DNA2: variants seen among roughly 807,000 people sequenced by gnomAD.
DNA2 encodes the protein DNA replication ATP-dependent helicase/nuclease DNA2.
DNA2 carries 101 observed loss-of-function variants against 119.1 expected under a neutral mutation model. The observed-to-expected ratio is 0.85, with a 90% CI of 0.72 to 1.00. DNA2 has a LOEUF of 1.00. Among genes scored for constraint, DNA2 ranks in the 50% least tolerant of loss-of-function variants. The pLI, the probability that DNA2 is intolerant of heterozygous loss-of-function variation, is 0.00. For missense variants in DNA2, 1,121 were observed against 1,255.5 expected, an observed-to-expected ratio of 0.89 and a Z score of 1.62; for synonymous variants, 366 against 424.4, an observed-to-expected ratio of 0.86 and a Z score of 1.69.
chr10:68,434,585 C>T (rs1470097014), intron 10 of DNA2, among the ~76,000 whole-genome samples: 2 of 150,900 alleles, frequency 1.3e-5, no homozygotes, highest in Non-Finnish European at 3.0e-5. Context: ...CCAGGAAGTC[C>T]AGGCTGCAGT....
intron 4 of DNA2, among the ~76,000 whole-genome samples, chr10:68,459,900 G>T (rs1040833656): frequency 1.3e-5 from 2 of 151,940 alleles, no homozygotes; most frequent in African/African-American, 4.8e-5. Flanking sequence ...GGTGGTGCAT[G>T]CCTGTAATCC....
chr10:68,469,446 G>A (rs1055414387), intron 2 of DNA2, among the ~76,000 whole-genome samples: 16 of 150,020 alleles, frequency 1.1e-4, no homozygotes, highest in Admixed American at 7.3e-4. Flanking sequence ...TCATTAATAA[G>A]GTCCTTTGTA....
intron 5 of DNA2, 39 bp downstream of exon 5, chr10:68,459,065 A>G (rs779509654): frequency 6.7e-7 from 1 of 1,483,182 alleles, no homozygotes; most frequent in Non-Finnish European, 9.0e-7. Flanking sequence ...TGGTCTAAAA[A>G]TATGAAGACT....
At chr10:68,454,919 G>C (rs193299719) in intron 5 of DNA2, among the ~76,000 whole-genome samples, 174 of 149,670 alleles carry the variant, frequency 1.2e-3, no homozygotes, top group Middle Eastern at 0.01. Flanking sequence ...ATAATTAGGA[G>C]CAGTTGAAGA....
chr10:68,444,125 T>A (rs1013582788), intron 8 of DNA2, among the ~76,000 whole-genome samples: 1 of 150,926 alleles, frequency 6.6e-6, no homozygotes. Flanking sequence ...GGCGCAGTGG[T>A]TCATGCCTGT....
intron 10 of DNA2, among the ~76,000 whole-genome samples, chr10:68,435,437 ATAG>A (rs890022525): frequency 6.7e-6 from 1 of 150,370 alleles, no homozygotes; most frequent in African/African-American, 2.4e-5. Context: ...AAAAATATTA[ATAG>A]TAGAATATAC....
intron 10 of DNA2, among the ~76,000 whole-genome samples, chr10:68,435,160 C>T (rs1413308730): frequency 6.6e-6 from 1 of 151,880 alleles, no homozygotes; most frequent in Non-Finnish European, 1.5e-5. Flanking sequence ...CTCAACTGAT[C>T]GTCCCACCTC....
chr10:68,456,780 A>C (rs1467374516), intron 5 of DNA2, among the ~76,000 whole-genome samples: 1 of 151,862 alleles, frequency 6.6e-6, no homozygotes, highest in Non-Finnish European at 1.5e-5. Flanking sequence ...GAACATTGAG[A>C]ATATTAGTAT....
chr10:68,441,119 G>A (rs2051961482), intron 9 of DNA2, among the ~76,000 whole-genome samples: 1 of 151,712 alleles, frequency 6.6e-6, no homozygotes, highest in Non-Finnish European at 1.5e-5. Context: ...GATCACTTGA[G>A]GCCAGGAGTT....
At chr10:68,427,634 G>GA (rs1216817861) in intron 14 of DNA2, among the ~76,000 whole-genome samples, 33 of 130,840 alleles carry the variant, frequency 2.5e-4, no homozygotes, top group Non-Finnish European at 6.6e-5. Context: ...GGGCAACAGA[G>GA]CAAGACCTTG....
intron 19 of DNA2, among the ~76,000 whole-genome samples, chr10:68,417,091 A>G (rs1460974889): frequency 1.3e-5 from 2 of 152,032 alleles, no homozygotes; most frequent in Non-Finnish European, 2.9e-5. Context: ...AAAATATACA[A>G]AAATCAGCCA....
chr10:68,418,478 TAAA>T (rs35448515), intron 19 of DNA2, among the ~76,000 whole-genome samples: 1 of 140,978 alleles, frequency 7.1e-6, no homozygotes. Flanking sequence ...TTATTTTCTT[TAAA>T]AAAAAAAAAA....
At position 68,471,910 on chromosome 10, in the gene DNA2, C is replaced by A. The variant is rs373044716; in HGVS notation, c.-46G>T. The A allele has an allele frequency of 1.9e-6, 3 of 1,613,850 alleles. No individual in the cohort carries two copies. In the South Asian group the frequency reaches 3.3e-5, roughly 18 times the overall value. On this transcript the variant is annotated 5_prime_UTR_variant, in exon 1 of 21. Transcript: ENST00000358410. ...ACTGTAGACAGAAAAGACAGCGGAA[C>A]CGGGGGTAACACAGAAAGCTTAGAA...
intron 20 of DNA2, among the ~76,000 whole-genome samples, chr10:68,416,173 TG>T (rs968668852): frequency 1.3e-5 from 2 of 151,962 alleles, no homozygotes; most frequent in Admixed American, 6.6e-5. Flanking sequence ...CACCACTTCT[TG>T]GGGGAAAAAA....
chr10:68,442,874 A>C (rs772805713), intron 9 of DNA2, 43 bp downstream of exon 9: 2 of 1,513,524 alleles, frequency 1.3e-6, no homozygotes, highest in African/African-American at 2.8e-5. Context: ...TCATTCACTA[A>C]TCCAAACTAC....
At chr10:68,456,198 G>A (rs761800508) in intron 5 of DNA2, among the ~76,000 whole-genome samples, 1 of 152,050 alleles carries the variant, frequency 6.6e-6, no homozygotes, top group Non-Finnish European at 1.5e-5. Context: ...CTCCAGTCTG[G>A]GCAAGAGTGA....
intron 19 of DNA2, among the ~76,000 whole-genome samples, chr10:68,417,446 A>G (rs1184419567): frequency 2.0e-5 from 3 of 148,110 alleles, no homozygotes; most frequent in African/African-American, 7.5e-5. Flanking sequence ...GAGGATTGCT[A>G]GAGCTCGGGA....
In DNA2 at chr10:68,430,466, TAAGGATTTA is replaced by T; in HGVS notation, c.2169_2177del (p.Lys724_Leu726del). ...TATTGTAGAGTTCTTCTAGAAGAGC[TAAGGATTTA>T]ATGGACTTTGATCTGCAAATTTCTT... On this transcript the variant is annotated inframe_deletion, in exon 14 of 21. Coordinates refer to ENST00000358410, the MANE Select transcript of DNA2 (RefSeq NM_001080449.3). 6.2e-7 allele frequency: 1 copy of T among 1,608,730 alleles called. No homozygotes were observed. Among genetic ancestry groups the T allele is most frequent in the Non-Finnish European group, 8.5e-7 (1 of 1,177,202 alleles).
chr10:68,417,211 C>A (rs1320496586), intron 19 of DNA2, among the ~76,000 whole-genome samples: 1 of 150,660 alleles, frequency 6.6e-6, no homozygotes, highest in East Asian at 2.0e-4. Context: ...GAGCCATAAC[C>A]ATGCCTCCAC....
Sources: allele counts gnomAD v4.1 joint callset (sites outside exome capture counted in the v4.1 genomes callset), GRCh38; gene constraint gnomAD v4.1.1; transcripts MANE v1.5; gene names NCBI Gene and HGNC (gene_info 2026-07-23, HGNC 2026-07-21).